Variants in KLF8 observed in about 807,000 individuals in gnomAD.
The protein encoded by KLF8 is KLF transcription factor 8.
A neutral mutation model predicts 18.2 loss-of-function variants in KLF8; 10 were observed. The observed-to-expected ratio is 0.55, with a 90% CI of 0.34 to 0.93. The LOEUF (loss-of-function observed/expected upper bound fraction) is 0.93. KLF8 is among the 40% of genes least tolerant of loss of function. The pLI, the probability that KLF8 is intolerant of heterozygous loss-of-function variation, is 0.02. For missense variants in KLF8, 264 were observed against 277.9 expected (o/e 0.95, Z 0.36); for synonymous variants, 109 against 97.3 (o/e 1.12, Z -0.71).
At chrX:56,148,515 C>T in the KLF8 span, among the ~76,000 whole-genome samples, 1 of 111,054 alleles carries the variant, frequency 9.0e-6, no homozygotes, top group African/African-American at 3.3e-5. Context: ...AAAAGGAAAA[C>T]ATGATAATGG....
the KLF8 span, among the ~76,000 whole-genome samples, chrX:56,187,753 A>T: frequency 9.0e-6 from 1 of 111,677 alleles, no homozygotes; most frequent in African/African-American, 3.3e-5. Context: ...CAGCATATAA[A>T]CAGAACCAAA....
intron 1 of KLF8, among the ~76,000 whole-genome samples, chrX:56,240,272 G>T (rs1189121794): frequency 5.4e-5 from 6 of 111,890 alleles, no homozygotes; most frequent in African/African-American, 1.9e-4. Flanking sequence ...GCCTTGTCTT[G>T]GTGCTCCTGA....
rs1251970114 is a variant in KLF8 at position 56,284,512 on chromosome X, A to G, written c.*18A>G. ...CCATGTGAGCCGCACAGGTCACACTAGAGAAGCTGCGCTGGTATCTTTCCT... is the reference window on the plus strand; with the variant it reads ...CCATGTGAGCCGCACAGGTCACACTGGAGAAGCTGCGCTGGTATCTTTCCT... On this transcript the variant is annotated 3_prime_UTR_variant, in exon 6 of 6. Transcript: ENST00000468660. 5 of 1,112,340 alleles carry G rather than the reference A, an allele frequency of 4.5e-6. No individual in the cohort carries two copies. In the African/African-American group the frequency reaches 5.5e-5, roughly 12 times the overall value. 91.7% of individuals were successfully genotyped at this position (1,112,340 alleles called of 1,213,427 possible). A position where few individuals can be genotyped will look rare whatever the true frequency, so the allele number is the denominator to read the frequency against.
At chrX:56,012,868 A>C in the KLF8 span, among the ~76,000 whole-genome samples, 2 of 112,184 alleles carry the variant, frequency 1.8e-5, no homozygotes, top group Non-Finnish European at 3.8e-5. Flanking sequence ...CTATTCTAAA[A>C]TTTATATGGA....
chrX:56,224,388 A>G, the KLF8 span, among the ~76,000 whole-genome samples: 1 of 112,265 alleles, frequency 8.9e-6, no homozygotes, highest in Non-Finnish European at 1.9e-5. Context: ...TGAAAAACAA[A>G]GAAGTATAAT....
At chrX:56,260,478 G>C (rs1394126993) in intron 2 of KLF8, among the ~76,000 whole-genome samples, 1 of 111,948 alleles carries the variant, frequency 8.9e-6, no homozygotes, top group African/African-American at 3.2e-5. Flanking sequence ...TAGGTACTAA[G>C]CAAATACCTA....
chrX:56,282,020 A>G (rs2067208412), intron 5 of KLF8, among the ~76,000 whole-genome samples: 1 of 112,746 alleles, frequency 8.9e-6, no homozygotes, highest in South Asian at 3.6e-4. Flanking sequence ...GTTGAGGTGT[A>G]TATAGGAATT....
the KLF8 span, among the ~76,000 whole-genome samples, chrX:55,990,400 G>T: frequency 8.9e-6 from 1 of 112,108 alleles, no homozygotes; most frequent in African/African-American, 3.2e-5. Context: ...GGTATGTTGT[G>T]TCTTTGTTCT....
chrX:56,280,910 G>T (rs916733961), intron 5 of KLF8, among the ~76,000 whole-genome samples: 1 of 112,066 alleles, frequency 8.9e-6, no homozygotes, highest in Non-Finnish European at 1.9e-5. Flanking sequence ...CAGACAAATA[G>T]ATTACCCCAG....
At chrX:56,078,186 G>A in the KLF8 span, among the ~76,000 whole-genome samples, 1 of 111,867 alleles carries the variant, frequency 8.9e-6, no homozygotes, top group Non-Finnish European at 1.9e-5. Flanking sequence ...ACGTTGAATA[G>A]GAGTGGTGAG....
At chrX:56,094,587 TA>T in the KLF8 span, among the ~76,000 whole-genome samples, 1 of 111,027 alleles carries the variant, frequency 9.0e-6, no homozygotes, top group Non-Finnish European at 1.9e-5. Context: ...ATTGTTAAAC[TA>T]AAAGACGCCA....
At chrX:56,263,218 G>A (rs1381791315) in intron 2 of KLF8, among the ~76,000 whole-genome samples, 4 of 111,323 alleles carry the variant, frequency 3.6e-5, no homozygotes, top group Non-Finnish European at 7.5e-5. Context: ...TTATCTGGAT[G>A]GGTCAAATCC....
chrX:56,190,690 C>T, the KLF8 span, among the ~76,000 whole-genome samples: 2 of 110,873 alleles, frequency 1.8e-5, no homozygotes, highest in African/African-American at 3.3e-5. Context: ...ACTATACAAA[C>T]GCATGAAAAT....
the KLF8 span, among the ~76,000 whole-genome samples, chrX:56,024,885 A>C: frequency 1.8e-5 from 2 of 112,209 alleles, no homozygotes; most frequent in Non-Finnish European, 3.8e-5. Context: ...ATGGGTACTG[A>C]GTATAAAACA....
chrX:55,970,276 AAATC>A, the KLF8 span, among the ~76,000 whole-genome samples: 1 of 111,542 alleles, frequency 9.0e-6, no homozygotes, highest in Admixed American at 9.6e-5. Flanking sequence ...TAACATGTAT[AAATC>A]AATCAATGTG....
chrX:56,070,085 G>C, the KLF8 span, among the ~76,000 whole-genome samples: 1 of 112,335 alleles, frequency 8.9e-6, no homozygotes, highest in African/African-American at 3.2e-5. Flanking sequence ...AAAAGAATAA[G>C]TTCATGTTGT....
chrX:56,140,411 GA>G, the KLF8 span, among the ~76,000 whole-genome samples: 1 of 111,837 alleles, frequency 8.9e-6, no homozygotes, highest in Non-Finnish European at 1.9e-5. Flanking sequence ...ATGCATGATG[GA>G]ATACTACATA....
chrX:55,970,453 A>G, the KLF8 span, among the ~76,000 whole-genome samples: 1 of 111,749 alleles, frequency 8.9e-6, no homozygotes, highest in Non-Finnish European at 1.9e-5. Context: ...CAAATACAAC[A>G]GATTCACAAC....
the KLF8 span, among the ~76,000 whole-genome samples, chrX:56,149,446 A>T: frequency 2.7e-5 from 3 of 110,185 alleles, no homozygotes; most frequent in South Asian, 3.9e-4. Context: ...TGGAGGGGGG[A>T]GTGGGACAAG....
Sources: allele counts gnomAD v4.1 joint callset (sites outside exome capture counted in the v4.1 genomes callset), GRCh38; gene constraint gnomAD v4.1.1; transcripts MANE v1.5; gene names NCBI Gene and HGNC (gene_info 2026-07-23, HGNC 2026-07-21).